Variants in TEX36 observed in about 807,000 individuals in gnomAD.
TEX36 encodes the protein testis-expressed protein 36.
Under a neutral mutation model 13.6 loss-of-function variants are expected in TEX36, and 12 were observed. That is an observed-to-expected ratio of 0.88 (90% CI 0.56 to 1.43). The LOEUF is 1.43. Among genes scored for constraint, TEX36 ranks in the 40% most tolerant of loss-of-function variants. The pLI, the probability that TEX36 is intolerant of heterozygous loss-of-function variation, is 0.00. For synonymous variants in TEX36, 93 were observed against 83.0 expected, an observed-to-expected ratio of 1.12 and a Z score of -0.65; for missense variants, 224 against 228.3, an observed-to-expected ratio of 0.98 and a Z score of 0.12.
At chr10:125,590,068 C>T (rs1235494440) in intron 3 of TEX36, among the ~76,000 whole-genome samples, 2 of 152,174 alleles carry the variant, frequency 1.3e-5, no homozygotes, top group Non-Finnish European at 2.9e-5. Context: ...ATTACACGAC[C>T]TTGGACAAGT....
chr10:125,654,061 A>G (rs1174272854), downstream of TEX36, among the ~76,000 whole-genome samples: 1 of 152,208 alleles, frequency 6.6e-6, no homozygotes, highest in Non-Finnish European at 1.5e-5. Context: ...ATAAGATGCG[A>G]AAAATATAAA....
chr10:125,612,089 C>CTTTTTTTTTTTTTTTTTTTTTTT (rs1221864951), intron 3 of TEX36, among the ~76,000 whole-genome samples: 1 of 136,788 alleles, frequency 7.3e-6, no homozygotes, highest in African/African-American at 2.7e-5. Flanking sequence ...TTTTCTTTTT[C>CTTTTTTTTTTTTTTTTTTTTTTT]TTTTTTTTTT....
At chr10:125,644,211 G>T (rs933633091) in intron 3 of TEX36, among the ~76,000 whole-genome samples, 1 of 152,188 alleles carries the variant, frequency 6.6e-6, no homozygotes, top group South Asian at 2.1e-4. Flanking sequence ...TCATTGAAGA[G>T]CCACTTAGTA....
chr10:125,640,823 G>A (rs986791400), intron 3 of TEX36, among the ~76,000 whole-genome samples: 1 of 152,138 alleles, frequency 6.6e-6, no homozygotes, highest in Middle Eastern at 3.2e-3. Flanking sequence ...CAAAGAGCCT[G>A]AAGGAGAAAA....
chr10:125,616,808 G>T (rs1453617461), downstream of TEX36, among the ~76,000 whole-genome samples: 27 of 139,114 alleles, frequency 1.9e-4, no homozygotes, highest in African/African-American at 5.7e-4. Context: ...GGTCCACTTG[G>T]TGCAGAGCTG....
intron 3 of TEX36, among the ~76,000 whole-genome samples, chr10:125,624,949 C>T (rs1025400448): frequency 9.8e-5 from 15 of 152,302 alleles, no homozygotes; most frequent in Non-Finnish European, 7.3e-5. Flanking sequence ...GCCAAAACTG[C>T]AGAGGAGGCC....
Position 125,655,910 on chromosome 10 carries a change from A to G in TEX36, c.551T>C (p.Leu184Pro). The change falls in exon 4 of 4, where the codon CTG becomes CCG. Residue 184 changes from leucine to proline, a missense_variant. Coordinates refer to ENST00000368821, the MANE Select transcript of TEX36 (RefSeq NM_001128202.3). ...FTVDKKVVSS[L>P]ES ...AATCTTCTGGGAGGATTAGGACTCC[A>G]GTGAAGAAACAACCTTTTTGTCAAC... The G allele has an allele frequency of 6.6e-7, 1 of 1,524,224 alleles. No individual in the cohort carries two copies. The highest frequency in any genetic ancestry group is 8.8e-7 in the Non-Finnish European group (1 of 1,133,338). 94.4% of individuals were successfully genotyped at this position (1,524,224 alleles called of 1,614,324 possible).
At chr10:125,619,863 CTATT>C (rs974207768), downstream of TEX36, among the ~76,000 whole-genome samples, 13 of 151,376 alleles carry the variant, frequency 8.6e-5, no homozygotes, top group African/African-American at 3.2e-4. Flanking sequence ...CCATTTTTTA[CTATT>C]TATTTATAAA....
At chr10:125,597,381 A>T (rs1846093913) in intron 3 of TEX36, among the ~76,000 whole-genome samples, 1 of 152,234 alleles carries the variant, frequency 6.6e-6, no homozygotes, top group African/African-American at 2.4e-5. Context: ...AGCAAGAGAA[A>T]GTGAGGCATT....
chr10:125,583,465 T>A lies in TEX36; in HGVS notation c.265-6591A>T, dbSNP rs1368507171. On this transcript the variant is annotated intron_variant, in intron 3 of 3. Coordinates refer to the TEX36 transcript ENST00000532135. ...CAGAAAGGGTGGAAGAACAAAAGGT[T>A]CTTTTTGTTTTGAATGCTGCATGGA... is the stretch of plus-strand genomic sequence containing the variant. Among the ~76,000 whole-genome samples the A allele has an allele frequency of 2.0e-5, 3 of 152,230 alleles. No homozygotes were observed. The East Asian group carries it at 5.8e-4, about 29-fold the overall frequency.
intron 3 of TEX36, among the ~76,000 whole-genome samples, chr10:125,627,060 T>C (rs1846498363): frequency 6.6e-6 from 1 of 152,226 alleles, no homozygotes; most frequent in South Asian, 2.1e-4. Flanking sequence ...TGGATTAATT[T>C]AAATCCTTCT....
intron 3 of TEX36, among the ~76,000 whole-genome samples, chr10:125,603,570 T>C (rs1234415733): frequency 6.6e-6 from 1 of 152,098 alleles, no homozygotes; most frequent in African/African-American, 2.4e-5. Context: ...ACCTCTAAAA[T>C]GCTGGCATGC....
In TEX36 at chr10:125,655,756, A is replaced by G. The variant is rs983416652; in HGVS notation, c.*144T>C. The G allele has an allele frequency of 7.5e-7, 1 of 1,335,944 alleles. No homozygotes were observed. Among genetic ancestry groups the G allele is most frequent in the East Asian group, 2.7e-5 (1 of 36,498 alleles). 82.8% of individuals were successfully genotyped at this position (1,335,944 alleles called of 1,614,324 possible). ...TATGTCATCACAAATTCATTTCACA[A>G]GGATTTGAATGTTTTTTGACCTTAT... On this transcript the variant is annotated 3_prime_UTR_variant, in exon 4 of 4. Coordinates refer to ENST00000368821, the MANE Select transcript of TEX36 (RefSeq NM_001128202.3).
chr10:125,588,274 C>T (rs964400543), intron 3 of TEX36, among the ~76,000 whole-genome samples: 1 of 152,194 alleles, frequency 6.6e-6, no homozygotes, highest in Non-Finnish European at 1.5e-5. Context: ...GTGGTATTGA[C>T]TTTCTCTATA....
At chr10:125,613,715 A>C (rs975249220) in intron 3 of TEX36, among the ~76,000 whole-genome samples, 1 of 151,992 alleles carries the variant, frequency 6.6e-6, no homozygotes, top group Non-Finnish European at 1.5e-5. Context: ...AGTCTTTGCT[A>C]TTGCGAATAG....
At chr10:125,674,083 A>G (rs1449630341) in intron 1 of TEX36, among the ~76,000 whole-genome samples, 1 of 152,184 alleles carries the variant, frequency 6.6e-6, no homozygotes, top group Non-Finnish European at 1.5e-5. Context: ...GTCTTATTAC[A>G]TAATCCCATA....
At chr10:125,635,316 T>C (rs1387885520) in intron 3 of TEX36, among the ~76,000 whole-genome samples, 2 of 152,192 alleles carry the variant, frequency 1.3e-5, no homozygotes, top group African/African-American at 4.8e-5. Flanking sequence ...ACGTTGTGCA[T>C]TCATTTTCTC....
intron 3 of TEX36, among the ~76,000 whole-genome samples, chr10:125,639,336 C>T (rs955262921): frequency 6.6e-6 from 1 of 152,190 alleles, no homozygotes; most frequent in African/African-American, 2.4e-5. Flanking sequence ...CTCCAAATCT[C>T]AGCTATTGCA....
chr10:125,640,208 C>T (rs762362833), intron 3 of TEX36: 44 of 985,246 alleles, frequency 4.5e-5, no homozygotes, highest in Non-Finnish European at 5.3e-5. Flanking sequence ...CATTCTGATG[C>T]TAGCTCCTAT....
Sources: gnomAD v4.1 joint callset for allele counts (sites outside exome capture counted in the v4.1 genomes callset) on GRCh38, gnomAD v4.1.1 for gene constraint, MANE v1.5 for transcripts, NCBI Gene and HGNC (gene_info 2026-07-23, HGNC 2026-07-21) for gene names.